Variants in RCAN1 observed in about 807,000 individuals in gnomAD.
The protein encoded by RCAN1 is regulator of calcineurin 1.
Under a neutral mutation model 22.9 loss-of-function variants are expected in RCAN1, and 11 were observed. The ratio of observed to expected loss-of-function variants is 0.48; its 90% CI spans 0.30 to 0.79. RCAN1 has a LOEUF of 0.79. RCAN1 is among the 30% of genes least tolerant of loss of function. The pLI is 0.06. For missense variants in RCAN1, 291 were observed against 337.8 expected, an observed-to-expected ratio of 0.86 and a Z score of 1.09; for synonymous variants, 136 against 142.3, an observed-to-expected ratio of 0.96 and a Z score of 0.32.
chr21:34,551,826 G>A (rs1265125600), intron 1 of RCAN1, among the ~76,000 whole-genome samples: 2 of 152,146 alleles, frequency 1.3e-5, no homozygotes, highest in Non-Finnish European at 2.9e-5. Context: ...CTTAGGAATA[G>A]CGATCATGGG....
intron 1 of RCAN1, among the ~76,000 whole-genome samples, chr21:34,533,024 T>C (rs56128034): frequency 1.5e-4 from 23 of 150,962 alleles, no homozygotes; most frequent in Middle Eastern, 6.8e-3. Context: ...GCAGTGGCAC[T>C]ATCTCGGCTC....
intron 3 of RCAN1, among the ~76,000 whole-genome samples, chr21:34,520,484 G>C (rs1984427908): frequency 6.6e-6 from 1 of 152,200 alleles, no homozygotes; most frequent in South Asian, 2.1e-4. Context: ...TTATCCCACA[G>C]AGGGAATTTC....
intron 1 of RCAN1, among the ~76,000 whole-genome samples, chr21:34,595,759 A>G (rs1050016547): frequency 4.0e-4 from 61 of 152,166 alleles, no homozygotes; most frequent in African/African-American, 1.5e-3. Context: ...ACCCACTCAC[A>G]CGCTGCCTGG....
At chr21:34,538,827 C>G (rs1985792274) in intron 1 of RCAN1, among the ~76,000 whole-genome samples, 3 of 152,146 alleles carry the variant, frequency 2.0e-5, no homozygotes, top group Admixed American at 1.3e-4. Flanking sequence ...GGCTGGGAGA[C>G]AAATTCTATT....
intron 1 of RCAN1, among the ~76,000 whole-genome samples, chr21:34,538,704 C>T (rs996719934): frequency 1.3e-5 from 2 of 152,132 alleles, no homozygotes; most frequent in Admixed American, 1.3e-4. Flanking sequence ...GCAGGAGGAC[C>T]GGGCCTTGAT....
At chr21:34,528,677 A>G (rs1305649572) in intron 1 of RCAN1, among the ~76,000 whole-genome samples, 1 of 152,152 alleles carries the variant, frequency 6.6e-6, no homozygotes, top group Non-Finnish European at 1.5e-5. Context: ...AGGGGCTTGG[A>G]ACTTCTCTGA....
chr21:34,533,013 T>C (rs998990689), intron 1 of RCAN1, among the ~76,000 whole-genome samples: 3 of 150,816 alleles, frequency 2.0e-5, no homozygotes, highest in Non-Finnish European at 3.0e-5. Flanking sequence ...CAGGCTGGAG[T>C]GCAGTGGCAC....
rs1986646654 is a variant in RCAN1 at position 34,558,066 on chromosome 21, T to C, written c.253-34356A>G. 2.0e-5 allele frequency among the ~76,000 whole-genome samples: 3 copies of C among 152,246 alleles called. 1 individual carries two copies. Among genetic ancestry groups the C allele is most frequent in the Admixed American group, 2.0e-4 (3 of 15,286 alleles). ...AATCCATCAAGCCTGTGATGAACTA[T>C]GTTGACAAGTTCAAGCTGTTGAGGA... On this transcript the variant is annotated intron_variant, in intron 1 of 3. Coordinates refer to ENST00000313806, the MANE Select transcript of RCAN1 (RefSeq NM_004414.7).
intron 1 of RCAN1, among the ~76,000 whole-genome samples, chr21:34,563,796 G>T (rs55977718): frequency 0.045 from 4,648 of 102,864 alleles, 77 homozygotes; most frequent in East Asian, 0.11. Flanking sequence ...TATATATATA[G>T]AGAGAGAGAG....
At chr21:34,566,556 C>G (rs565512704) in intron 1 of RCAN1, among the ~76,000 whole-genome samples, 1 of 120,732 alleles carries the variant, frequency 8.3e-6, no homozygotes, top group Admixed American at 7.7e-5. Context: ...CAGGCCTTAC[C>G]TGAAAAAAAG....
chr21:34,558,400 T>C (rs1986664653), intron 1 of RCAN1, among the ~76,000 whole-genome samples: 2 of 152,082 alleles, frequency 1.3e-5, no homozygotes, highest in Admixed American at 6.6e-5. Flanking sequence ...CAACTCCACC[T>C]CCACCGTGAC....
At chr21:34,524,576 AG>A (rs1432344028) in intron 1 of RCAN1, 1 of 152,466 alleles carries the variant, frequency 6.6e-6, no homozygotes, top group Non-Finnish European at 1.5e-5. Flanking sequence ...TAAAATAAGT[AG>A]TTTTTAAAAA....
chr21:34,538,526 C>G (rs535558200), intron 1 of RCAN1, among the ~76,000 whole-genome samples: 3 of 152,170 alleles, frequency 2.0e-5, no homozygotes, highest in Non-Finnish European at 1.5e-5. Context: ...GGGTACTGGC[C>G]GCTTCCAGAC....
At chr21:34,543,914 C>A (rs1007580435) in intron 1 of RCAN1, among the ~76,000 whole-genome samples, 2 of 152,206 alleles carry the variant, frequency 1.3e-5, no homozygotes, top group African/African-American at 4.8e-5. Flanking sequence ...TGCCTGCTAG[C>A]CATTCGGAGT....
intron 1 of RCAN1, among the ~76,000 whole-genome samples, chr21:34,587,908 A>C (rs1987851769): frequency 6.6e-6 from 1 of 152,224 alleles, no homozygotes; most frequent in Admixed American, 6.5e-5. Context: ...GAGCTCATCC[A>C]ATCAGTTAAA....
At chr21:34,609,961 A>G (rs1279704002) in intron 1 of RCAN1, among the ~76,000 whole-genome samples, 2 of 152,242 alleles carry the variant, frequency 1.3e-5, no homozygotes, top group South Asian at 2.1e-4. Context: ...ACTCTATACC[A>G]TATTGGAGAT....
At chr21:34,560,536 A>C (rs1986750667) in intron 1 of RCAN1, among the ~76,000 whole-genome samples, 1 of 152,188 alleles carries the variant, frequency 6.6e-6, no homozygotes, top group African/African-American at 2.4e-5. Context: ...TGGGACATCC[A>C]TTTCCTGGAA....
At position 34,518,384 on chromosome 21, in the gene RCAN1, A is replaced by C. The variant is rs1243403992; in HGVS notation, c.587-128T>G. On this transcript the variant is annotated intron_variant, in intron 3 of 3. Transcript: ENST00000313806. The surrounding 1 kb of genome is among the most constrained non-coding windows in gnomAD (Gnocchi z 4.2). ...ACCATTCGATTGGGCTGAGAGACACAGCCAGACATATTTTGGGTTTGTATT... is the reference window on the plus strand; with the variant it reads ...ACCATTCGATTGGGCTGAGAGACACCGCCAGACATATTTTGGGTTTGTATT... 1 of 933,736 alleles carries C rather than the reference A, an allele frequency of 1.1e-6. No individual in the cohort carries two copies. The highest frequency in any genetic ancestry group is 2.6e-5 in the East Asian group (1 of 38,036). The allele number at this position is 933,736 out of a possible 1,614,324, so 57.8% of individuals were successfully genotyped here.
At chr21:34,584,530 C>T (rs1398052926) in intron 1 of RCAN1, among the ~76,000 whole-genome samples, 2 of 152,220 alleles carry the variant, frequency 1.3e-5, no homozygotes, top group Non-Finnish European at 2.9e-5. Context: ...ACTGACCACT[C>T]TTCTTCCATC....
Sources: allele counts gnomAD v4.1 joint callset (sites outside exome capture counted in the v4.1 genomes callset), GRCh38; gene constraint gnomAD v4.1.1; non-coding constraint Gnocchi (gnomAD v3.1); transcripts MANE v1.5; gene names NCBI Gene and HGNC (gene_info 2026-07-23, HGNC 2026-07-21).